Variants in CCDC7 observed in about 807,000 individuals in gnomAD.
CCDC7 encodes coiled-coil domain-containing protein 7.
In CCDC7, 183 loss-of-function variants were observed where a neutral mutation model predicts 196.9. The observed-to-expected ratio is 0.93, with a 90% CI of 0.82 to 1.05. The LOEUF (loss-of-function observed/expected upper bound fraction) is 1.05. Ranked by LOEUF, CCDC7 falls within the 50% of genes least tolerant of loss-of-function variation. CCDC7 has a pLI of 0.00. For missense variants in CCDC7, 1,540 were observed against 1,482.2 expected (o/e 1.04, Z -0.64); for synonymous variants, 525 against 484.6 (o/e 1.08, Z -1.10).
intron 25 of CCDC7, among the ~76,000 whole-genome samples, chr10:32,726,006 T>C: frequency 6.6e-6 from 1 of 152,188 alleles, no homozygotes; most frequent in Non-Finnish European, 1.5e-5. Flanking sequence ...TCCTTCTCTT[T>C]GTATTCCCAT....
At chr10:32,727,735 C>T (rs2132656360) in intron 26 of CCDC7, among the ~76,000 whole-genome samples, 1 of 152,268 alleles carries the variant, frequency 6.6e-6, no homozygotes, top group East Asian at 1.9e-4. Context: ...TTTTCTACCT[C>T]AGGAGCTGCT....
At chr10:32,842,956 A>G (rs1253390141) in intron 33 of CCDC7, among the ~76,000 whole-genome samples, 2 of 151,836 alleles carry the variant, frequency 1.3e-5, no homozygotes, top group Non-Finnish European at 2.9e-5. Context: ...TAGGGGGGGC[A>G]AGGGACAAAA....
chr10:32,727,640 T>G (rs890070072), intron 26 of CCDC7, among the ~76,000 whole-genome samples: 1 of 152,122 alleles, frequency 6.6e-6, no homozygotes, highest in South Asian at 2.1e-4. Context: ...TGCCATTTTA[T>G]TAGGTTGGTG....
chr10:32,550,541 G>C (rs1001931249), intron 13 of CCDC7, among the ~76,000 whole-genome samples: 14 of 152,088 alleles, frequency 9.2e-5, no homozygotes, highest in Non-Finnish European at 1.6e-4. Context: ...TTGGCATTGG[G>C]TTGTCATAGA....
chr10:32,854,400 G>T, exon 41 of CCDC7: 1 of 1,571,504 alleles, frequency 6.4e-7, no homozygotes, highest in South Asian at 1.1e-5. Context: ...ATTTTTTTAG[G>T]GCATTCGAAA....
chr10:32,814,259 C>T lies in CCDC7; in HGVS notation c.3098-111C>T, dbSNP rs1465756527. On this transcript the variant is annotated intron_variant, in intron 30 of 41. Coordinates refer to ENST00000639629, the Ensembl canonical transcript of CCDC7. Reference sequence around the variant, plus strand: ...AGGCGTGAGCCACCGTGCCCAGCCACAAATATTTTAAGTTAGTAACACACA... The same window carrying T: ...AGGCGTGAGCCACCGTGCCCAGCCATAAATATTTTAAGTTAGTAACACACA... 5 of 802,352 alleles carry T rather than the reference C, an allele frequency of 6.2e-6. No homozygotes were observed. The Admixed American group carries it at 8.3e-5, about 13-fold the overall frequency. The allele number at this position is 802,352 out of a possible 1,614,324, so 49.7% of individuals were successfully genotyped here.
chr10:32,873,413 G>T (rs10827149), intron 41 of CCDC7, among the ~76,000 whole-genome samples: 13 of 151,832 alleles, frequency 8.6e-5, no homozygotes, highest in African/African-American at 3.1e-4. Context: ...TCTCTGCATT[G>T]GTTATTCTAG....
At chr10:32,638,344 T>C (rs1344946069) in intron 20 of CCDC7, among the ~76,000 whole-genome samples, 1 of 152,194 alleles carries the variant, frequency 6.6e-6, no homozygotes, top group Non-Finnish European at 1.5e-5. Context: ...TTTTGCCCAT[T>C]CAGTATGATA....
chr10:32,683,514 T>C (rs569611293), intron 21 of CCDC7, among the ~76,000 whole-genome samples: 6 of 152,348 alleles, frequency 3.9e-5, no homozygotes, highest in African/African-American at 1.2e-4. Flanking sequence ...AATAGGTTTT[T>C]CTTATTCTGT....
At chr10:32,843,690 G>C (rs1258996290) in intron 33 of CCDC7, among the ~76,000 whole-genome samples, 1 of 151,870 alleles carries the variant, frequency 6.6e-6, no homozygotes, top group Non-Finnish European at 1.5e-5. Flanking sequence ...TGCTCTTCTT[G>C]TTGCCTCTCT....
At chr10:32,692,232 T>C (rs2077170620) in intron 23 of CCDC7, among the ~76,000 whole-genome samples, 1 of 152,160 alleles carries the variant, frequency 6.6e-6, no homozygotes, top group Admixed American at 6.5e-5. Flanking sequence ...GTGCAGAGTC[T>C]CCAACTTTTT....
intron 13 of CCDC7, among the ~76,000 whole-genome samples, chr10:32,562,745 G>A (rs1278370819): frequency 1.3e-5 from 2 of 151,916 alleles, no homozygotes; most frequent in African/African-American, 2.4e-5. Context: ...GCACAAGACA[G>A]GGATGCCCTC....
intron 9 of CCDC7, among the ~76,000 whole-genome samples, chr10:32,498,854 A>G (rs908841701): frequency 4.5e-4 from 68 of 151,354 alleles, no homozygotes; most frequent in African/African-American, 1.7e-3. Context: ...GAATCTGACA[A>G]TTATGTGTCT....
rs975693571 is a variant in CCDC7 at position 32,504,536 on chromosome 10, C to T, written c.872+12539C>T. On this transcript the variant is annotated intron_variant, in intron 9 of 41. Transcript: ENST00000639629. Reference sequence around the variant, plus strand: ...GATCATTATTTCTTTTTTAAGTAGACATCTATTGCAATAAACTTCCCACTT... The same window carrying T: ...GATCATTATTTCTTTTTTAAGTAGATATCTATTGCAATAAACTTCCCACTT... 2.6e-5 allele frequency among the ~76,000 whole-genome samples: 4 copies of T among 152,276 alleles called. No homozygotes were observed. The Middle Eastern group carries it at 0.01, about 388-fold the overall frequency.
chr10:32,513,345 TAGTAATTA>T (rs1564513648), intron 9 of CCDC7: 1 of 152,096 alleles, frequency 6.6e-6, no homozygotes, highest in African/African-American at 2.4e-5. Flanking sequence ...AAGATTTAAT[TAGTAATTA>T]ACATATTCCC....
At chr10:32,695,721 G>T (rs1350408341) in intron 24 of CCDC7, among the ~76,000 whole-genome samples, 2 of 152,168 alleles carry the variant, frequency 1.3e-5, no homozygotes, top group Non-Finnish European at 2.9e-5. Flanking sequence ...GACATTAAAG[G>T]TGTAATGCAG....
chr10:32,486,889 T>G (rs370477525), intron 8 of CCDC7, among the ~76,000 whole-genome samples: 2 of 151,948 alleles, frequency 1.3e-5, no homozygotes, highest in Non-Finnish European at 2.9e-5. Context: ...TTCCCTTTGT[T>G]GGTAACTGGA....
intron 18 of CCDC7, among the ~76,000 whole-genome samples, chr10:32,585,006 T>C (rs1590181003): frequency 6.6e-6 from 1 of 152,132 alleles, no homozygotes; most frequent in South Asian, 2.1e-4. Flanking sequence ...GCAAAGATAT[T>C]TTTTTCTTCC....
chr10:32,604,470 G>A (rs1397065267), intron 18 of CCDC7, among the ~76,000 whole-genome samples: 1 of 151,878 alleles, frequency 6.6e-6, no homozygotes, highest in Non-Finnish European at 1.5e-5. Context: ...TTATGTTTTT[G>A]GCATTTTGAT....
Sources: gnomAD v4.1 joint callset for allele counts (sites outside exome capture counted in the v4.1 genomes callset) on GRCh38, gnomAD v4.1.1 for gene constraint, MANE v1.5 for transcripts, NCBI Gene and HGNC (gene_info 2026-07-23, HGNC 2026-07-21) for gene names.